Variants in DGKB observed in about 807,000 individuals in gnomAD.
The protein encoded by DGKB is 90 kDa diacylglycerol kinase.
A neutral mutation model predicts 114.3 loss-of-function variants in DGKB; 67 were observed. The ratio of observed to expected loss-of-function variants is 0.59; its 90% CI spans 0.48 to 0.72. DGKB has a LOEUF of 0.72. Ranked by LOEUF, DGKB falls within the 30% of genes least tolerant of loss-of-function variation. The probability of loss-of-function intolerance (pLI) is 0.00; values close to 1 mark genes in which losing one functional copy is unlikely to be tolerated. For missense variants in DGKB, 907 were observed against 975.2 expected, an observed-to-expected ratio of 0.93 and a Z score of 0.93; for synonymous variants, 398 against 323.1, an observed-to-expected ratio of 1.23 and a Z score of -2.49.
chr7:14,415,674 T>G (rs1563136407), intron 21 of DGKB, among the ~76,000 whole-genome samples: 2 of 152,188 alleles, frequency 1.3e-5, no homozygotes, highest in Non-Finnish European at 2.9e-5. Flanking sequence ...CTATCATTAT[T>G]GGACATTTGG....
At chr7:14,852,231 T>C (rs1449495209) in intron 1 of DGKB, among the ~76,000 whole-genome samples, 2 of 151,940 alleles carry the variant, frequency 1.3e-5, no homozygotes, top group Non-Finnish European at 2.9e-5. Context: ...TCTTAATTTA[T>C]TAAGTTATTA....
chr7:14,696,740 T>C (rs1190920747), intron 8 of DGKB, among the ~76,000 whole-genome samples: 2 of 152,158 alleles, frequency 1.3e-5, no homozygotes, highest in Admixed American at 6.5e-5. Context: ...TAAATACATG[T>C]TACCATCTAC....
chr7:14,718,780 G>A (rs974898618), intron 5 of DGKB, 95 bp from the exon 6 acceptor site: 14 of 934,032 alleles, frequency 1.5e-5, no homozygotes, highest in Non-Finnish European at 1.9e-5. Context: ...AGGCTACATA[G>A]AAATTTATAT....
At chr7:14,843,421 G>A (rs1453473849) in intron 1 of DGKB, among the ~76,000 whole-genome samples, 8 of 125,786 alleles carry the variant, frequency 6.4e-5, no homozygotes, top group South Asian at 2.6e-4. Context: ...TGCAAGCTCC[G>A]CTTCCCGGGT....
At chr7:14,540,572 T>C (rs913722665) in intron 20 of DGKB, among the ~76,000 whole-genome samples, 1 of 152,220 alleles carries the variant, frequency 6.6e-6, no homozygotes, top group Non-Finnish European at 1.5e-5. Flanking sequence ...TCATCACAGT[T>C]GCTAATTCGT....
At chr7:14,176,522 G>A (rs1781760944) in intron 25 of DGKB, 3 of 1,034,588 alleles carry the variant, frequency 2.9e-6, no homozygotes, top group Non-Finnish European at 3.5e-6. Flanking sequence ...AAACAAAAAA[G>A]TTTCAGATAA....
chr7:14,608,414 G>C (rs1029840924), intron 16 of DGKB, among the ~76,000 whole-genome samples: 2 of 151,642 alleles, frequency 1.3e-5, no homozygotes, highest in Non-Finnish European at 2.9e-5. Flanking sequence ...ATCTTCAACA[G>C]ACTAGACATC....
At chr7:14,751,249 C>T (rs538589127) in intron 4 of DGKB, among the ~76,000 whole-genome samples, 3 of 152,228 alleles carry the variant, frequency 2.0e-5, no homozygotes, top group African/African-American at 7.2e-5. Flanking sequence ...CTAAAAACCC[C>T]AGCATTAGTT....
chr7:14,261,496 T>C (rs1796773580), intron 23 of DGKB, among the ~76,000 whole-genome samples: 1 of 152,152 alleles, frequency 6.6e-6, no homozygotes, highest in Admixed American at 6.6e-5. Context: ...TTTAGACACA[T>C]TTATTCAACA....
At chr7:14,354,528 C>T (rs762522201) in intron 21 of DGKB, among the ~76,000 whole-genome samples, 1 of 151,998 alleles carries the variant, frequency 6.6e-6, no homozygotes, top group Non-Finnish European at 1.5e-5. Flanking sequence ...GAGATCTCTA[C>T]ATAACACTTA....
At chr7:14,543,269 C>A (rs976910194) in intron 20 of DGKB, among the ~76,000 whole-genome samples, 28 of 151,814 alleles carry the variant, frequency 1.8e-4, no homozygotes, top group Admixed American at 1.5e-3. Context: ...CATGGCAAGA[C>A]CCCATCTCTA....
At chr7:14,649,120 G>A (rs1190743511) in intron 13 of DGKB, among the ~76,000 whole-genome samples, 2 of 97,514 alleles carry the variant, frequency 2.1e-5, no homozygotes, top group Admixed American at 1.3e-4. Context: ...GCAGGCCAAC[G>A]TTCAGATTCA....
At chr7:14,751,131 G>A (rs958529047) in intron 4 of DGKB, among the ~76,000 whole-genome samples, 7 of 151,932 alleles carry the variant, frequency 4.6e-5, no homozygotes, top group African/African-American at 1.7e-4. Context: ...CATTTCTAAT[G>A]ATGAAAAAGC....
rs78992090 is a variant in DGKB at position 14,683,162 on chromosome 7, T to C, written c.830-321A>G. Among the ~76,000 whole-genome samples the C allele has an allele frequency of 5.3e-5, 8 of 152,294 alleles. No homozygotes were observed. In the South Asian group the frequency reaches 6.2e-4, roughly 12 times the overall value. ...AAAATATTAAAGACAAATTGATGAC[T>C]GCCAAATGGCTTGGTGTCATTTGCT... On this transcript the variant is annotated intron_variant, in intron 10 of 25. Coordinates refer to ENST00000402815, the MANE Select transcript of DGKB (RefSeq NM_001350709.2).
intron 23 of DGKB, among the ~76,000 whole-genome samples, chr7:14,185,062 A>G (rs962150901): frequency 1.3e-5 from 2 of 152,166 alleles, no homozygotes; most frequent in African/African-American, 4.8e-5. Flanking sequence ...GGGCATCCAA[A>G]TCGGTAAAGA....
intron 2 of DGKB, among the ~76,000 whole-genome samples, chr7:14,820,846 T>TAATTAAATCA (rs1844827039): frequency 6.6e-6 from 1 of 152,174 alleles, no homozygotes. Context: ...CAGCACAATG[T>TAATTAAATCA]GGCTCGGTAA....
chr7:14,352,178 A>G (rs1813568063), intron 21 of DGKB, among the ~76,000 whole-genome samples: 1 of 152,230 alleles, frequency 6.6e-6, no homozygotes, highest in Non-Finnish European at 1.5e-5. Context: ...ATCTTAGTTT[A>G]TAAAAGAAAA....
Position 14,344,060 on chromosome 7 carries a change from A to G in DGKB, c.1926+1241T>C, listed in dbSNP as rs1056359426. ...ACAATTATTATATAGATATACATGCATATAGTTATATATGTGTTATATATA... is the reference window on the plus strand; with the variant it reads ...ACAATTATTATATAGATATACATGCGTATAGTTATATATGTGTTATATATA... On this transcript the variant is annotated intron_variant, in intron 22 of 25. Transcript: ENST00000402815. 2.0e-5 allele frequency among the ~76,000 whole-genome samples: 3 copies of G among 149,340 alleles called. No homozygotes were observed. In the East Asian group the frequency reaches 5.8e-4, roughly 29 times the overall value.
chr7:14,578,521 T>C (rs1009003835), intron 19 of DGKB, among the ~76,000 whole-genome samples: 3 of 152,202 alleles, frequency 2.0e-5, no homozygotes, highest in Non-Finnish European at 4.4e-5. Flanking sequence ...TCCATTTCCC[T>C]AATTGCTCAA....
Sources: allele counts gnomAD v4.1 joint callset (sites outside exome capture counted in the v4.1 genomes callset), GRCh38; gene constraint gnomAD v4.1.1; transcripts MANE v1.5; gene names NCBI Gene and HGNC (gene_info 2026-07-23, HGNC 2026-07-21).